The following CFAP299 variants were observed in gnomAD, a reference collection of about 807,000 sequenced individuals.
CFAP299 encodes the protein cilia and flagella associated protein 299, also known as cilia- and flagella-associated protein 299.
In CFAP299, 21 loss-of-function variants were observed where a neutral mutation model predicts 27.0. The ratio of observed to expected loss-of-function variants is 0.78; its 90% confidence interval spans 0.55 to 1.12. CFAP299 has a LOEUF of 1.12. Among genes scored for constraint, CFAP299 ranks in the 50% most tolerant of loss-of-function variants. The pLI, the probability that CFAP299 is intolerant of heterozygous loss-of-function variation, is 0.00. For synonymous variants in CFAP299, 104 were observed against 98.1 expected, an observed-to-expected ratio of 1.06 and a Z score of -0.36; for missense variants, 310 against 276.6, an observed-to-expected ratio of 1.12 and a Z score of -0.86.
At chr4:80,658,460 G>T (rs116568349) in intron 3 of CFAP299, among the ~76,000 whole-genome samples, 1 of 152,040 alleles carries the variant, frequency 6.6e-6, no homozygotes, top group Non-Finnish European at 1.5e-5. Context: ...GAATTTTTTC[G>T]AAGGTCTTTT....
At chr4:80,951,128 A>T (rs1345587784) in intron 5 of CFAP299, among the ~76,000 whole-genome samples, 2 of 152,172 alleles carry the variant, frequency 1.3e-5, no homozygotes. Context: ...ATAGGGCAAG[A>T]TCTCTTTTTG....
chr4:80,454,062 A>C (rs183827035), intron 2 of CFAP299, among the ~76,000 whole-genome samples: 1 of 151,876 alleles, frequency 6.6e-6, no homozygotes. Flanking sequence ...ATGTATAAAC[A>C]CTCCATAATG....
chr4:80,631,859 G>GGCC (rs34615962), intron 3 of CFAP299, among the ~76,000 whole-genome samples: 6 of 21,508 alleles, frequency 2.8e-4, no homozygotes, highest in Admixed American at 6.6e-4. Context: ...GAATATTTGT[G>GGCC]CCCCACCCCC....
At chr4:80,361,573 C>T (rs1162679234) in intron 1 of CFAP299, among the ~76,000 whole-genome samples, 2 of 152,158 alleles carry the variant, frequency 1.3e-5, no homozygotes, top group African/African-American at 2.4e-5. Context: ...ATCTATTAAA[C>T]AAGGGAGTGT....
At chr4:80,782,499 TATATTAATATATAAC>T (rs1051417493) in intron 3 of CFAP299, among the ~76,000 whole-genome samples, 154 of 146,800 alleles carry the variant, frequency 1.0e-3, no homozygotes, top group African/African-American at 3.6e-3. Flanking sequence ...ATACACAATA[TATATTAATATATAAC>T]ATATTAATAT....
intron 3 of CFAP299, among the ~76,000 whole-genome samples, chr4:80,678,991 T>G (rs1719652708): frequency 6.6e-6 from 1 of 152,046 alleles, no homozygotes; most frequent in Non-Finnish European, 1.5e-5. Context: ...TTCTCCCACA[T>G]GTAGATTTGT....
At chr4:80,399,304 C>G (rs917804674) in intron 2 of CFAP299, among the ~76,000 whole-genome samples, 12 of 152,110 alleles carry the variant, frequency 7.9e-5, no homozygotes, top group African/African-American at 2.7e-4. Context: ...GGATCTAGAA[C>G]TAGAAATACC....
At chr4:80,590,884 G>C (rs1421622532) in intron 3 of CFAP299, among the ~76,000 whole-genome samples, 1 of 151,940 alleles carries the variant, frequency 6.6e-6, no homozygotes, top group Non-Finnish European at 1.5e-5. Flanking sequence ...TGAAGAATAG[G>C]CTTTTACATA....
intron 3 of CFAP299, among the ~76,000 whole-genome samples, chr4:80,660,840 A>C (rs1740805222): frequency 6.6e-6 from 1 of 152,198 alleles, no homozygotes; most frequent in Non-Finnish European, 1.5e-5. Flanking sequence ...ATTTCCTAAA[A>C]GTTCCTTCAG....
Position 80,963,619 on chromosome 4 carries a change from A to G in CFAP299, c.*7A>G, listed in dbSNP as rs779224912. ...TTCCAGAAGGAAGACTTAAGTACCAACATGTTAATTTCCTAATAATTTGCT... is the reference window on the plus strand; with the variant it reads ...TTCCAGAAGGAAGACTTAAGTACCAGCATGTTAATTTCCTAATAATTTGCT... On this transcript the variant is annotated 3_prime_UTR_variant, in exon 6 of 6. Coordinates refer to ENST00000358105, the MANE Select transcript of CFAP299 (RefSeq NM_152770.3). 1.9e-6 allele frequency: 3 copies of G among 1,539,126 alleles called. No homozygotes were observed. Among genetic ancestry groups the G allele is most frequent in the South Asian group, 1.1e-5 (1 of 87,344 alleles).
chr4:80,706,562 A>C (rs1721832431), intron 3 of CFAP299, among the ~76,000 whole-genome samples: 1 of 151,954 alleles, frequency 6.6e-6, no homozygotes, highest in Non-Finnish European at 1.5e-5. Context: ...CAGAGTAATT[A>C]TAAAGAGAAA....
rs531456567 is a variant in CFAP299 at position 80,575,086 on chromosome 4, G to A, written c.243-8007G>A. Among the ~76,000 whole-genome samples the A allele has an allele frequency of 3.9e-5, 6 of 151,974 alleles. No homozygotes were observed. In the East Asian group the frequency reaches 1.2e-3, roughly 29 times the overall value. On this transcript the variant is annotated intron_variant, in intron 2 of 5. Coordinates refer to ENST00000358105, the MANE Select transcript of CFAP299 (RefSeq NM_152770.3). ...GTAAAACTTAGCAGTAAAGTCATTGGGTCCCAGACTTTCATTTGTTGGGAG... is the reference window on the plus strand; with the variant it reads ...GTAAAACTTAGCAGTAAAGTCATTGAGTCCCAGACTTTCATTTGTTGGGAG...
intron 3 of CFAP299, among the ~76,000 whole-genome samples, chr4:80,736,371 T>G (rs1267851550): frequency 6.6e-6 from 1 of 152,078 alleles, no homozygotes; most frequent in Non-Finnish European, 1.5e-5. Context: ...TTCTCAGGTT[T>G]GTCAAAGATC....
rs1722122296 is a variant in CFAP299 at position 80,336,014 on chromosome 4, A to C, written c.111+135A>C. On this transcript the variant is annotated intron_variant, in intron 1 of 5. Coordinates refer to ENST00000358105, the MANE Select transcript of CFAP299 (RefSeq NM_152770.3). The stretch of plus-strand genomic sequence containing the variant: ...GGCGCCGCGGTTTCGGGACCGCGAC[A>C]CTAAAGCCGCTGGCGAGGTGAATTG... 4.0e-5 allele frequency: 25 copies of C among 629,676 alleles called. No homozygotes were observed. The South Asian group carries it at 4.4e-4, about 11-fold the overall frequency. The allele number at this position is 629,676 out of a possible 1,614,324, so 39.0% of individuals were successfully genotyped here. A position where few individuals can be genotyped will look rare whatever the true frequency, so the allele number is the denominator to read the frequency against.
At chr4:80,388,388 G>A (rs181310913) in intron 2 of CFAP299, 9 of 694,158 alleles carry the variant, frequency 1.3e-5, no homozygotes, top group Middle Eastern at 2.5e-4. Context: ...GGCAGGAGGC[G>A]AGGCCTGCTG....
At chr4:80,359,987 G>T (rs1033856067) in intron 1 of CFAP299, among the ~76,000 whole-genome samples, 2 of 152,132 alleles carry the variant, frequency 1.3e-5, no homozygotes, top group African/African-American at 4.8e-5. Flanking sequence ...TTCTGACCTT[G>T]GAATGGGTTT....
At chr4:80,505,234 A>G (rs1731962633) in intron 2 of CFAP299, among the ~76,000 whole-genome samples, 1 of 152,004 alleles carries the variant, frequency 6.6e-6, no homozygotes, top group Admixed American at 6.6e-5. Context: ...GTACTGATTT[A>G]CTTGATACTC....
At chr4:80,943,623 G>A (rs1461693720) in intron 4 of CFAP299, among the ~76,000 whole-genome samples, 1 of 151,916 alleles carries the variant, frequency 6.6e-6, no homozygotes, top group Non-Finnish European at 1.5e-5. Flanking sequence ...ATAAAAATAA[G>A]TAGATTTTTA....
chr4:80,953,584 C>G (rs1737895188), intron 5 of CFAP299, among the ~76,000 whole-genome samples: 1 of 152,054 alleles, frequency 6.6e-6, no homozygotes, highest in South Asian at 2.1e-4. Flanking sequence ...AATGTCATGT[C>G]CTCCACTTGA....
Sources: allele counts gnomAD v4.1 joint callset (sites outside exome capture counted in the v4.1 genomes callset), GRCh38; gene constraint gnomAD v4.1.1; transcripts MANE v1.5; gene names NCBI Gene and HGNC (gene_info 2026-07-23, HGNC 2026-07-21).